Variants in GASK1A observed in about 807,000 individuals in gnomAD.
The protein encoded by GASK1A is Golgi-associated kinase 1A.
Under a neutral mutation model 41.2 loss-of-function variants are expected in GASK1A, and 40 were observed. That is an observed-to-expected ratio of 0.97 (90% CI 0.75 to 1.27). The LOEUF (loss-of-function observed/expected upper bound fraction) is 1.27. GASK1A is among the 50% of genes most tolerant of loss of function. GASK1A has a pLI of 0.00. For missense variants in GASK1A, 678 were observed against 745.1 expected (o/e 0.91, Z 1.05); for synonymous variants, 316 against 307.1 (o/e 1.03, Z -0.30).
intron 2 of GASK1A, among the ~76,000 whole-genome samples, chr3:43,045,997 T>C (rs767500728): frequency 1.1e-4 from 16 of 152,180 alleles, no homozygotes; most frequent in Non-Finnish European, 2.1e-4. Flanking sequence ...TCTCTTTCCT[T>C]ATGAATTCCT....
chr3:43,001,394 A>ATC, intron 1 of GASK1A, among the ~76,000 whole-genome samples: 1 of 152,310 alleles, frequency 6.6e-6, no homozygotes, highest in East Asian at 1.9e-4. Context: ...CTAGCCTGCA[A>ATC]TGGACTTGGC....
At chr3:43,021,123 TCCC>T (rs1559402318) in intron 1 of GASK1A, among the ~76,000 whole-genome samples, 2 of 152,064 alleles carry the variant, frequency 1.3e-5, no homozygotes, top group African/African-American at 4.8e-5. Flanking sequence ...CCCGCACAGT[TCCC>T]CAGCTTCTCA....
chr3:42,992,947 G>C (rs956071945), intron 1 of GASK1A, among the ~76,000 whole-genome samples: 63 of 152,324 alleles, frequency 4.1e-4, no homozygotes, highest in African/African-American at 1.4e-3. Flanking sequence ...ACAGCTTGGC[G>C]TTTGCCTTAT....
intron 1 of GASK1A, among the ~76,000 whole-genome samples, chr3:43,002,085 C>T (rs1422730084): frequency 6.6e-6 from 1 of 152,180 alleles, no homozygotes; most frequent in Non-Finnish European, 1.5e-5. Flanking sequence ...CATTACTGGT[C>T]TCCTTTTAAA....
chr3:42,979,655 G>A lies in GASK1A; in HGVS notation c.3+10G>A, dbSNP rs1171482624. The A allele has an allele frequency of 3.2e-6, 4 of 1,245,712 alleles. No homozygotes were observed. The highest frequency in any genetic ancestry group is 4.0e-6 in the Non-Finnish European group (4 of 987,690). 77.2% of individuals were successfully genotyped at this position (1,245,712 alleles called of 1,614,324 possible). ...CACCGCCGGGGACATGGTAGGACTCGCGGGAAGGAACGCGCGAGCGGAGGG... is the reference window on the plus strand; with the variant it reads ...CACCGCCGGGGACATGGTAGGACTCACGGGAAGGAACGCGCGAGCGGAGGG... On this transcript the variant is annotated intron_variant, in intron 1 of 4. Coordinates refer to ENST00000430121, the MANE Select transcript of GASK1A (RefSeq NM_001129908.3).
chr3:43,032,426 G>A lies in GASK1A; in HGVS notation c.163G>A (p.Ala55Thr), dbSNP rs772708124. 1.6e-5 allele frequency: 25 copies of A among 1,551,012 alleles called. No homozygotes were observed. The Middle Eastern group carries it at 5.0e-4, about 31-fold the overall frequency. Residue 55 changes from alanine to threonine, a missense_variant, in exon 2 of 5, where the codon GCC (alanine) becomes ACC (threonine). Coordinates refer to ENST00000430121, the MANE Select transcript of GASK1A (RefSeq NM_001129908.3). ...GPMEPQGVTG[A>T]PATHIRQALS... ...CATGGAGCCTCAGGGGGTAACTGGCGCCCCTGCAACCCATATCCGGCAGGC... is the reference window on the plus strand; with the variant it reads ...CATGGAGCCTCAGGGGGTAACTGGCACCCCTGCAACCCATATCCGGCAGGC...
chr3:42,991,072 G>A (rs1290499988), intron 1 of GASK1A, among the ~76,000 whole-genome samples: 1 of 152,166 alleles, frequency 6.6e-6, no homozygotes, highest in Non-Finnish European at 1.5e-5. Context: ...GCCAGGCAAG[G>A]CCACTGGCTG....
In GASK1A at chr3:43,055,856, C is replaced by T. The variant is rs188916246; in HGVS notation, c.1518-320C>T. ...TCTACCCCTCCCAGCTCACTCTTGG[C>T]AGGCAGCTCTGCCTTCCCAGGATTC... On this transcript the variant is annotated intron_variant, in intron 4 of 4. Transcript: ENST00000430121. 3,970 of 467,298 alleles carry T rather than the reference C, an allele frequency of 8.5e-3. 34 individuals are homozygous for T. The highest frequency in any genetic ancestry group is 0.017 in the South Asian group (687 of 40,352). 28.9% of individuals were successfully genotyped at this position (467,298 alleles called of 1,614,324 possible). A position where few individuals can be genotyped will look rare whatever the true frequency, so the allele number is the denominator to read the frequency against.
chr3:43,014,391 G>A (rs2089479668), intron 1 of GASK1A, among the ~76,000 whole-genome samples: 1 of 151,948 alleles, frequency 6.6e-6, no homozygotes, highest in African/African-American at 2.4e-5. Flanking sequence ...TCACAGGAAA[G>A]GCCAGTGTGA....
At chr3:43,041,305 C>A (rs2089635951) in intron 2 of GASK1A, among the ~76,000 whole-genome samples, 1 of 152,118 alleles carries the variant, frequency 6.6e-6, no homozygotes, top group Admixed American at 6.5e-5. Context: ...GTCACACTGA[C>A]TTCCACAATG....
intron 1 of GASK1A, among the ~76,000 whole-genome samples, chr3:42,987,599 T>G (rs1490308208): frequency 1.5e-5 from 1 of 65,404 alleles, no homozygotes; most frequent in African/African-American, 3.9e-5. Flanking sequence ...ATAAAATCAC[T>G]TATTATGTTA....
chr3:43,016,895 ATCCCATGAAGGGGCTGTGTGAAG>A (rs2089494195), intron 1 of GASK1A, among the ~76,000 whole-genome samples: 3 of 123,142 alleles, frequency 2.4e-5, no homozygotes, highest in Non-Finnish European at 3.5e-5. Context: ...GCAGTGTAAA[ATCCCATGAAGGGGCTGTGTGAAG>A]TCCCAGGAAG....
chr3:43,009,311 C>G lies in GASK1A; in HGVS notation c.4-22956C>G, dbSNP rs894749021. ...CCATGTCTCAGCTGGTATCAGGAAC[C>G]CCAGCCAATGTAATGAAGAGACGGA... is the stretch of plus-strand genomic sequence containing the variant. On this transcript the variant is annotated intron_variant, in intron 1 of 4. Transcript: ENST00000430121. Among the ~76,000 whole-genome samples, 2 of 152,174 alleles carry G rather than the reference C, an allele frequency of 1.3e-5. 1 individual carries two copies. Among genetic ancestry groups the G allele is most frequent in the Non-Finnish European group, 2.9e-5 (2 of 68,032 alleles).
At chr3:42,980,685 T>C (rs2089278404) in intron 1 of GASK1A, among the ~76,000 whole-genome samples, 2 of 151,920 alleles carry the variant, frequency 1.3e-5, no homozygotes, top group African/African-American at 4.8e-5. Flanking sequence ...GGAGGGCTGG[T>C]CATAAGGAGC....
Position 42,979,778 on chromosome 3 carries a change from A to C in GASK1A, c.3+133A>C. Reference sequence around the variant, plus strand: ...CCCGAGGCCGGAGTTGTTCCCCGAAAGTTGCATGGGGCGGCGGCGGCTTTC... The same window carrying C: ...CCCGAGGCCGGAGTTGTTCCCCGAACGTTGCATGGGGCGGCGGCGGCTTTC... On this transcript the variant is annotated intron_variant, in intron 1 of 4. Coordinates refer to ENST00000430121, the MANE Select transcript of GASK1A (RefSeq NM_001129908.3). 3.3e-6 allele frequency: 3 copies of C among 923,064 alleles called. No homozygotes were observed. The Admixed American group carries it at 1.3e-4, about 40-fold the overall frequency. The allele number at this position is 923,064 out of a possible 1,614,324, so 57.2% of individuals were successfully genotyped here. A position where few individuals can be genotyped will look rare whatever the true frequency, so the allele number is the denominator to read the frequency against.
chr3:42,979,663 G>T lies in GASK1A; in HGVS notation c.3+18G>T, dbSNP rs2089270968. ...GGGACATGGTAGGACTCGCGGGAAG[G>T]AACGCGCGAGCGGAGGGTGGGGCGA... On this transcript the variant is annotated intron_variant, in intron 1 of 4. Transcript: ENST00000430121. 1.6e-6 allele frequency: 2 copies of T among 1,245,832 alleles called. No individual in the cohort carries two copies. The highest frequency in any genetic ancestry group is 8.2e-5 in the South Asian group (2 of 24,410). The allele number at this position is 1,245,832 out of a possible 1,614,324, so 77.2% of individuals were successfully genotyped here.
chr3:42,983,631 A>G (rs940748087), intron 1 of GASK1A, among the ~76,000 whole-genome samples: 6 of 152,130 alleles, frequency 3.9e-5, no homozygotes, highest in Non-Finnish European at 4.4e-5. Flanking sequence ...GTCCCTCTGC[A>G]CTGAATGAGT....
At chr3:43,054,537 G>A (rs2089707022) in intron 3 of GASK1A, among the ~76,000 whole-genome samples, 1 of 152,220 alleles carries the variant, frequency 6.6e-6, no homozygotes, top group African/African-American at 2.4e-5. Flanking sequence ...GACATGTGGA[G>A]TGGGGTGAGA....
chr3:42,986,281 G>C lies in GASK1A; in HGVS notation c.3+6636G>C, dbSNP rs1329590544. ...ACATTCTAGAAAAGGCAAAACTATA[G>C]GGATGGAAAACAGATCAGCGGTTGC... On this transcript the variant is annotated intron_variant, in intron 1 of 4. Transcript: ENST00000430121. 2.0e-5 allele frequency among the ~76,000 whole-genome samples: 3 copies of C among 152,162 alleles called. No individual in the cohort carries two copies. In the East Asian group the frequency reaches 5.8e-4, roughly 29 times the overall value.
Sources: allele counts gnomAD v4.1 joint callset (sites outside exome capture counted in the v4.1 genomes callset), GRCh38; gene constraint gnomAD v4.1.1; transcripts MANE v1.5; gene names NCBI Gene and HGNC (gene_info 2026-07-23, HGNC 2026-07-21).